Variants in PARVB observed in about 807,000 individuals in gnomAD.
PARVB encodes beta-parvin.
A neutral mutation model predicts 47.0 loss-of-function variants in PARVB; 46 were observed. The observed-to-expected ratio is 0.98, with a 90% CI of 0.77 to 1.25. The LOEUF (loss-of-function observed/expected upper bound fraction) is 1.25. Among genes scored for constraint, PARVB ranks in the 50% most tolerant of loss-of-function variants. The pLI is 0.00. For missense variants in PARVB, 473 were observed against 471.6 expected (o/e 1.00, Z -0.03); for synonymous variants, 196 against 196.3 (o/e 1.00, Z 0.01).
intron 1 of PARVB, among the ~76,000 whole-genome samples, chr22:44,059,741 A>G (rs1427004903): frequency 1.3e-5 from 2 of 152,216 alleles, no homozygotes; most frequent in East Asian, 1.9e-4. Context: ...GATGCCGTAC[A>G]CATTTTCCTT....
intron 1 of PARVB, among the ~76,000 whole-genome samples, chr22:44,048,812 G>A (rs549884312): frequency 3.5e-4 from 54 of 152,162 alleles, no homozygotes; most frequent in African/African-American, 9.4e-4. Flanking sequence ...CGCCTGCCTC[G>A]GCCTCTCAAA....
chr22:44,122,053 C>T (rs866431555), intron 4 of PARVB, among the ~76,000 whole-genome samples: 1 of 152,086 alleles, frequency 6.6e-6, no homozygotes, highest in Non-Finnish European at 1.5e-5. Context: ...GTCATGTCAT[C>T]CATTTAATGT....
At chr22:44,161,308 CTTTTT>C (rs769442547) in intron 11 of PARVB, among the ~76,000 whole-genome samples, 8 of 128,712 alleles carry the variant, frequency 6.2e-5, no homozygotes, top group African/African-American at 1.5e-4. Flanking sequence ...TTTTTCTTTT[CTTTTT>C]TTTTTTTTTT....
chr22:44,082,206 G>A (rs2051918485), intron 1 of PARVB, among the ~76,000 whole-genome samples: 1 of 152,220 alleles, frequency 6.6e-6, no homozygotes. Context: ...CTCCGGAAGG[G>A]TGGCAATTGA....
In PARVB at chr22:44,168,636, G is replaced by C; in HGVS notation, c.1053G>C (p.Arg351Ser). The change falls in exon 13 of 13, where the codon AGG becomes AGC. Residue 351 changes from arginine (R) to serine (S), a missense_variant. Transcript: ENST00000338758. ...ACTTGGACCTCAAATCCACCCTGAG[G>C]GTTCTTTACAACCTGTTCACCAAGT... ...VVNLDLKSTLRVLYNLFTKYK... is the reference protein window; with the variant it reads ...VVNLDLKSTLSVLYNLFTKYK... 1 of 1,613,324 alleles carries C rather than the reference G, an allele frequency of 6.2e-7. No homozygotes were observed.
chr22:44,116,313 T>C (rs1349705376), intron 3 of PARVB: 1 of 152,266 alleles, frequency 6.6e-6, no homozygotes, highest in Non-Finnish European at 1.5e-5. Context: ...GGCACACCCA[T>C]CTGCACACCT....
Position 44,151,563 on chromosome 22 carries a change from T to G in PARVB, c.843+12T>G, listed in dbSNP as rs931748954. On this transcript the variant is annotated intron_variant, in intron 10 of 12. Transcript: ENST00000338758. ...AACTGGAGACCCAGGTATGTGCTGC[T>G]TTGGCTTGAAGGATCCTTTGTCCAC... is the stretch of plus-strand genomic sequence containing the variant. 2 of 1,608,436 alleles carry G rather than the reference T, an allele frequency of 1.2e-6. No individual in the cohort carries two copies. Among genetic ancestry groups the G allele is most frequent in the African/African-American group, 1.3e-5 (1 of 74,858 alleles).
At position 44,093,963 on chromosome 22, in the gene PARVB, A is replaced by C. The variant is rs1329956658; in HGVS notation, c.148A>C (p.Asn50His). 6.2e-7 allele frequency: 1 copy of C among 1,613,886 alleles called. No individual in the cohort carries two copies. Among genetic ancestry groups the C allele is most frequent in the Non-Finnish European group, 8.5e-7 (1 of 1,179,774 alleles). The change falls in exon 2 of 13, where the codon AAC (asparagine) becomes CAC (histidine). Residue 50 changes from asparagine (N) to histidine (H), a missense_variant. Physicochemically the swap from Asn to His is moderately conservative, Grantham distance 68. Transcript: ENST00000338758. ...GCAGGAAGAAGGCAAGAATGCCATCAACTCACCGATGTCCCCCGCCCTGGT... is the reference window on the plus strand; with the variant it reads ...GCAGGAAGAAGGCAAGAATGCCATCCACTCACCGATGTCCCCCGCCCTGGT... ...DLQEEGKNAI[N>H]SPMSPALVDV...
At chr22:44,167,672 C>G (rs1482618116) in intron 12 of PARVB, among the ~76,000 whole-genome samples, 1 of 151,986 alleles carries the variant, frequency 6.6e-6, no homozygotes, top group Non-Finnish European at 1.5e-5. Context: ...AGGGGGAGAC[C>G]CTGGGATCCC....
chr22:44,077,272 C>T (rs1022132976), intron 1 of PARVB, among the ~76,000 whole-genome samples: 1 of 152,174 alleles, frequency 6.6e-6, no homozygotes, highest in Non-Finnish European at 1.5e-5. Flanking sequence ...GTGTTCCCTG[C>T]CGTGGGCCAC....
intron 1 of PARVB, among the ~76,000 whole-genome samples, chr22:44,028,730 G>T (rs2050774378): frequency 6.6e-6 from 1 of 152,194 alleles, no homozygotes; most frequent in Admixed American, 6.5e-5. Context: ...TTCCAAAGTG[G>T]CTGTGCCACA....
intron 1 of PARVB, among the ~76,000 whole-genome samples, chr22:44,076,799 C>T (rs530422857): frequency 6.6e-5 from 10 of 152,180 alleles, no homozygotes; most frequent in East Asian, 3.9e-4. Context: ...GTGGCCTGCC[C>T]CAACTCCCCT....
intron 8 of PARVB, chr22:44,146,435 C>CAT (rs1482260909): frequency 6.6e-6 from 1 of 152,396 alleles, no homozygotes; most frequent in African/African-American, 2.4e-5. Context: ...CACATGCTCA[C>CAT]ACGCGCACAC....
chr22:44,164,414 C>CG (rs572889800), intron 12 of PARVB, among the ~76,000 whole-genome samples: 14 of 146,440 alleles, frequency 9.6e-5, no homozygotes, highest in South Asian at 6.5e-4. Context: ...CCCTGTCCCC[C>CG]CCCCGGCTCC....
chr22:44,153,414 C>CGAG (rs535389216), intron 10 of PARVB: 3 of 152,136 alleles, frequency 2.0e-5, no homozygotes, highest in Non-Finnish European at 2.9e-5. Flanking sequence ...CTGCAACCTC[C>CGAG]ACCTCCTGGG....
At chr22:44,035,742 G>T (rs891387308) in intron 1 of PARVB, among the ~76,000 whole-genome samples, 2 of 151,720 alleles carry the variant, frequency 1.3e-5, no homozygotes, top group African/African-American at 4.8e-5. Flanking sequence ...GTTATTCAGG[G>T]TTTACGGTAT....
intron 1 of PARVB, among the ~76,000 whole-genome samples, chr22:44,047,922 C>T (rs562543780): frequency 5.9e-5 from 9 of 152,290 alleles, no homozygotes; most frequent in South Asian, 2.1e-4. Context: ...GCCTCCCCTC[C>T]GGCTCCCCTG....
At chr22:44,141,613 G>C (rs1197015873) in intron 8 of PARVB, 1 of 152,240 alleles carries the variant, frequency 6.6e-6, no homozygotes, top group Non-Finnish European at 1.5e-5. Flanking sequence ...ACACACCCAG[G>C]AACCACGCCT....
At chr22:44,157,275 A>T (rs1268894553) in intron 10 of PARVB, among the ~76,000 whole-genome samples, 1 of 152,054 alleles carries the variant, frequency 6.6e-6, no homozygotes, top group Non-Finnish European at 1.5e-5. Flanking sequence ...TGGAGCACTC[A>T]CGTGTGCCAG....
Sources: allele counts gnomAD v4.1 joint callset (sites outside exome capture counted in the v4.1 genomes callset), GRCh38; gene constraint gnomAD v4.1.1; transcripts MANE v1.5; gene names NCBI Gene and HGNC (gene_info 2026-07-23, HGNC 2026-07-21).